Variants in KCTD6 observed in about 807,000 individuals in gnomAD.
KCTD6 encodes the protein BTB/POZ domain-containing protein KCTD6.
A neutral mutation model predicts 18.7 loss-of-function variants in KCTD6; 6 were observed. The observed-to-expected ratio is 0.32, with a 90% CI of 0.18 to 0.63. The LOEUF (loss-of-function observed/expected upper bound fraction) is 0.63, where lower values mean the gene tolerates loss of function less well. Among genes scored for constraint, KCTD6 ranks in the 30% least tolerant of loss-of-function variants. KCTD6 has a pLI of 0.79. For synonymous variants in KCTD6, 86 were observed against 108.5 expected (o/e 0.79, Z 1.29); for missense variants, 165 against 300.2 (o/e 0.55, Z 3.33).
intron 1 of KCTD6, among the ~76,000 whole-genome samples, chr3:58,495,707 A>C (rs1332050127): frequency 1.3e-5 from 2 of 152,126 alleles, no homozygotes; most frequent in African/African-American, 2.4e-5. Flanking sequence ...ATTTATTTTG[A>C]TGTATCTTAT....
In KCTD6 at chr3:58,496,125, T is replaced by G. The variant is rs1171560071; in HGVS notation, c.-43-2588T>G. Among the ~76,000 whole-genome samples the G allele has an allele frequency of 2.4e-4, 7 of 29,348 alleles. No individual in the cohort carries two copies. In the Admixed American group the frequency reaches 3.0e-3, roughly 12 times the overall value. The allele number at this position is 29,348 out of a possible 152,430, so 19.3% of individuals were successfully genotyped here. On this transcript the variant is annotated intron_variant, in intron 1 of 2. Transcript: ENST00000404589. The surrounding 1 kb of genome is among the most constrained non-coding windows in gnomAD (Gnocchi z 5.1). ...CACTAGTTGAATGGGTTCCTGCCTT[T>G]TTTTGGTGGGGGGGCCTCAGGAGAA...
At chr3:58,500,278 A>ATTTTTTT (rs66715551) in intron 2 of KCTD6, 1 of 119,116 alleles carries the variant, frequency 8.4e-6, no homozygotes, top group Non-Finnish European at 1.7e-5. Flanking sequence ...CACCCAGTGA[A>ATTTTTTT]TTTTTTTTTT....
chr3:58,495,052 G>A (rs1265880459), intron 1 of KCTD6, among the ~76,000 whole-genome samples: 2 of 152,166 alleles, frequency 1.3e-5, no homozygotes, highest in African/African-American at 4.8e-5. Context: ...GAATTTTATA[G>A]CTGTTTGTGC....
chr3:58,498,755 G>C lies in KCTD6; in HGVS notation c.-1G>C. On this transcript the variant is annotated 5_prime_UTR_variant, in exon 2 of 3. Transcript: ENST00000404589. The surrounding 1 kb of genome is among the most constrained non-coding windows in gnomAD (Gnocchi z 4.6). The stretch of plus-strand genomic sequence containing the variant: ...CTCTTGAAGACGCATCACTGGAGCA[G>C]ATGGATAATGGAGACTGGGGCTATA... 1.9e-6 allele frequency: 3 copies of C among 1,612,560 alleles called. No individual in the cohort carries two copies. Among genetic ancestry groups the C allele is most frequent in the Non-Finnish European group, 1.7e-6 (2 of 1,179,204 alleles).
chr3:58,500,142 ATCTC>A (rs1216470435), intron 2 of KCTD6, among the ~76,000 whole-genome samples: 1 of 150,712 alleles, frequency 6.6e-6, no homozygotes, highest in Non-Finnish European at 1.5e-5. Context: ...TGGAGACAAA[ATCTC>A]TCTGTGTCGC....
intron 2 of KCTD6, among the ~76,000 whole-genome samples, chr3:58,500,559 A>G (rs1041690435): frequency 6.6e-6 from 1 of 152,166 alleles, no homozygotes; most frequent in Non-Finnish European, 1.5e-5. Flanking sequence ...TTAAATTCAG[A>G]AAAATGCAAG....
At position 58,498,315 on chromosome 3, in the gene KCTD6, A is replaced by G. The variant is rs1560204434; in HGVS notation, c.-43-398A>G. ...TTCTTAAATGACCTTTTTGGTGAGGACCATTATAGGTTTGTACCAGGATAA... is the reference window on the plus strand; with the variant it reads ...TTCTTAAATGACCTTTTTGGTGAGGGCCATTATAGGTTTGTACCAGGATAA... On this transcript the variant is annotated intron_variant, in intron 1 of 2. Transcript: ENST00000404589. This position sits in a 1 kb window ranked among gnomAD's most constrained non-coding sequence, Gnocchi z 4.6. The G allele has an allele frequency of 6.4e-6, 1 of 155,110 alleles. No homozygotes were observed. Among genetic ancestry groups the G allele is most frequent in the African/African-American group, 2.4e-5 (1 of 41,466 alleles). The allele number at this position is 155,110 out of a possible 1,614,324, so 9.6% of individuals were successfully genotyped here.
At position 58,498,821 on chromosome 3, in the gene KCTD6, A is replaced by G; in HGVS notation, c.27+39A>G. Reference sequence around the variant, plus strand: ...GGAGATGCATTTTGAAGGCTGGGGAATTATTTTTGTGTGTCTTTTTATCCT... The same window carrying G: ...GGAGATGCATTTTGAAGGCTGGGGAGTTATTTTTGTGTGTCTTTTTATCCT... On this transcript the variant is annotated intron_variant, in intron 2 of 2. Transcript: ENST00000404589. The surrounding 1 kb of genome is among the most constrained non-coding windows in gnomAD (Gnocchi z 4.6). The G allele has an allele frequency of 6.4e-7, 1 of 1,560,466 alleles. No individual in the cohort carries two copies. Among genetic ancestry groups the G allele is most frequent in the Non-Finnish European group, 8.8e-7 (1 of 1,139,532 alleles).
chr3:58,499,453 CAT>C (rs2063194770), intron 2 of KCTD6, among the ~76,000 whole-genome samples: 1 of 151,776 alleles, frequency 6.6e-6, no homozygotes, highest in South Asian at 2.1e-4. Flanking sequence ...TTTGTGTGTG[CAT>C]ATGTCTCCCT....
chr3:58,501,776 T>C lies in KCTD6; in HGVS notation c.*144T>C, dbSNP rs555327811. On this transcript the variant is annotated 3_prime_UTR_variant, in exon 3 of 3. Transcript: ENST00000404589. This position sits in a 1 kb window ranked among gnomAD's most constrained non-coding sequence, Gnocchi z 9.7. ...AGGCAGTGAGGACCAGAAGGAAGTTTTGTGCTTTGGCAGACTCCTCCATGT... is the reference window on the plus strand; with the variant it reads ...AGGCAGTGAGGACCAGAAGGAAGTTCTGTGCTTTGGCAGACTCCTCCATGT... The C allele has an allele frequency of 1.7e-5, 9 of 524,192 alleles. No homozygotes were observed. Among genetic ancestry groups the C allele is most frequent in the Admixed American group, 4.4e-5 (1 of 22,818 alleles). The allele number at this position is 524,192 out of a possible 1,614,324, so 32.5% of individuals were successfully genotyped here.
rs575185266 is a variant in KCTD6 at position 58,501,816 on chromosome 3, C to G, written c.*184C>G. ...CTCCTCCATGTTTTGTTCCCTTCCC[C>G]CTGAGTATGCATGTGCCTGTTCAGA... On this transcript the variant is annotated 3_prime_UTR_variant, in exon 3 of 3. Transcript: ENST00000404589. This position sits in a 1 kb window ranked among gnomAD's most constrained non-coding sequence, Gnocchi z 9.7. 7 of 399,614 alleles carry G rather than the reference C, an allele frequency of 1.8e-5. No homozygotes were observed. The highest frequency in any genetic ancestry group is 4.1e-5 in the African/African-American group (2 of 48,432). 24.8% of individuals were successfully genotyped at this position (399,614 alleles called of 1,614,324 possible).
In KCTD6 at chr3:58,501,052, A is replaced by C. The variant is rs746165830; in HGVS notation, c.134A>C (p.Asp45Ala). ...ATGCTTGGAGCTATGTTTGGGGGGG[A>C]CTTCCCCACAGCTCGAGACCCTCAA... ...DSMLGAMFGG[D>A]FPTARDPQGN... Residue 45 changes from aspartate (D) to alanine (A), a missense_variant, in exon 3 of 3, where the codon GAC (aspartate) becomes GCC (alanine). Coordinates refer to ENST00000404589, the MANE Select transcript of KCTD6 (RefSeq NM_001128214.2). This position sits in a 1 kb window ranked among gnomAD's most constrained non-coding sequence, Gnocchi z 9.7. 6.2e-7 allele frequency: 1 copy of C among 1,613,434 alleles called. No homozygotes were observed. Among genetic ancestry groups the C allele is most frequent in the South Asian group, 1.1e-5 (1 of 91,034 alleles).
intron 2 of KCTD6, chr3:58,500,210 G>C (rs2063198544): frequency 1.3e-5 from 2 of 151,488 alleles, no homozygotes; most frequent in African/African-American, 4.9e-5. Context: ...GTGCCTCCTG[G>C]GTTCAAGTGA....
At position 58,492,791 on chromosome 3, in the gene KCTD6, C is replaced by T. The variant is rs368346558; in HGVS notation, c.-44+622C>T. ...ATGGTAATGGGGAGCCCTGGCAGCA[C>T]CTGCTGGGCTGACAGTGGTGGAGGC... On this transcript the variant is annotated intron_variant, in intron 1 of 2. Transcript: ENST00000404589. This position sits in a 1 kb window ranked among gnomAD's most constrained non-coding sequence, Gnocchi z 6.1. Among the ~76,000 whole-genome samples the T allele has an allele frequency of 6.6e-6, 1 of 152,056 alleles. No homozygotes were observed. Among genetic ancestry groups the T allele is most frequent in the Non-Finnish European group, 1.5e-5 (1 of 68,028 alleles).
intron 1 of KCTD6, among the ~76,000 whole-genome samples, chr3:58,495,135 T>G (rs888003293): frequency 2.0e-5 from 3 of 152,234 alleles, no homozygotes; most frequent in African/African-American, 7.2e-5. Flanking sequence ...GAAAAATTTT[T>G]TATTGTTACC....
Position 58,493,337 on chromosome 3 carries a change from T to G in KCTD6, c.-44+1168T>G, listed in dbSNP as rs762600169. Among the ~76,000 whole-genome samples the G allele has an allele frequency of 6.6e-6, 1 of 152,264 alleles. No individual in the cohort carries two copies. Among genetic ancestry groups the G allele is most frequent in the Non-Finnish European group, 1.5e-5 (1 of 68,040 alleles). On this transcript the variant is annotated intron_variant, in intron 1 of 2. Transcript: ENST00000404589. This position sits in a 1 kb window ranked among gnomAD's most constrained non-coding sequence, Gnocchi z 4.5. ...CCATGGATGCCATTCCAAAGTTTTG[T>G]GATTTGAATTTTCATAAATCATATT... is the stretch of plus-strand genomic sequence containing the variant.
At position 58,497,575 on chromosome 3, in the gene KCTD6, T is replaced by G. The variant is rs1049192302; in HGVS notation, c.-43-1138T>G. On this transcript the variant is annotated intron_variant, in intron 1 of 2. Coordinates refer to ENST00000404589, the MANE Select transcript of KCTD6 (RefSeq NM_001128214.2). This position sits in a 1 kb window ranked among gnomAD's most constrained non-coding sequence, Gnocchi z 4.2. ...GCAGTTCAGTAGCTGGGAAACTGTTTGTTTAAATGCTTTTGAATTGTAGAT... is the reference window on the plus strand; with the variant it reads ...GCAGTTCAGTAGCTGGGAAACTGTTGGTTTAAATGCTTTTGAATTGTAGAT... Among the ~76,000 whole-genome samples the G allele has an allele frequency of 2.0e-5, 3 of 152,214 alleles. No individual in the cohort carries two copies. Among genetic ancestry groups the G allele is most frequent in the African/African-American group, 7.2e-5 (3 of 41,462 alleles).
chr3:58,498,941 C>T lies in KCTD6; in HGVS notation c.27+159C>T, dbSNP rs543905473. 1.5e-4 allele frequency among the ~76,000 whole-genome samples: 23 copies of T among 152,084 alleles called. No homozygotes were observed. Among genetic ancestry groups the T allele is most frequent in the African/African-American group, 4.3e-4 (18 of 41,504 alleles). ...ACTTAGTTTAGATGTATTTTGGAGG[C>T]GTTTTTGTCTTGTGTGGTGTTTTTT... On this transcript the variant is annotated intron_variant, in intron 2 of 2. Coordinates refer to ENST00000404589, the MANE Select transcript of KCTD6 (RefSeq NM_001128214.2). The surrounding 1 kb of genome is among the most constrained non-coding windows in gnomAD (Gnocchi z 4.6).
rs1483717156 is a variant in KCTD6, at chr3:58,502,351, T to C, written c.*719T>C. Reference sequence around the variant, plus strand: ...AACAAAACTAATAAAAAATGAAATATGAAAATTAAGTTTGTATTTATTGAT... The same window carrying C: ...AACAAAACTAATAAAAAATGAAATACGAAAATTAAGTTTGTATTTATTGAT... On this transcript the variant is annotated 3_prime_UTR_variant, in exon 3 of 3. Transcript: ENST00000404589. The C allele has an allele frequency of 4.6e-5, 7 of 152,400 alleles. No homozygotes were observed. The highest frequency in any genetic ancestry group is 7.4e-5 in the Non-Finnish European group (5 of 67,994). The allele number at this position is 152,400 out of a possible 1,614,324, so 9.4% of individuals were successfully genotyped here.
Sources: gnomAD v4.1 joint callset for allele counts (sites outside exome capture counted in the v4.1 genomes callset) on GRCh38, gnomAD v4.1.1 for gene constraint, Gnocchi (gnomAD v3.1) non-coding constraint, MANE v1.5 for transcripts, NCBI Gene and HGNC (gene_info 2026-07-23, HGNC 2026-07-21) for gene names.